The following PARG variants were observed in gnomAD, a reference collection of about 807,000 sequenced individuals.
The protein encoded by PARG is mitochondrial poly(ADP-ribose) glycohydrolase.
PARG carries 35 observed loss-of-function variants against 113.0 expected under a neutral mutation model. The observed-to-expected ratio is 0.31, with a 90% CI of 0.24 to 0.41. PARG has a LOEUF of 0.41. Among genes scored for constraint, PARG ranks in the 10% least tolerant of loss-of-function variants. The probability of loss-of-function intolerance (pLI) is 1.00; values close to 1 mark genes in which losing one functional copy is unlikely to be tolerated. For synonymous variants in PARG, 330 were observed against 409.9 expected (o/e 0.81, Z 2.36); for missense variants, 797 against 1,169.4 (o/e 0.68, Z 4.64).
intron 7 of PARG, among the ~76,000 whole-genome samples, chr10:49,907,849 C>T (rs71500299): frequency 3.4e-3 from 519 of 151,848 alleles, no homozygotes; most frequent in East Asian, 0.012. Flanking sequence ...ACAGAATTAT[C>T]TTCACTCCTC....
At chr10:49,831,063 A>G (rs1554830191) in intron 16 of PARG, among the ~76,000 whole-genome samples, 1 of 152,202 alleles carries the variant, frequency 6.6e-6, no homozygotes, top group Non-Finnish European at 1.5e-5. Flanking sequence ...AAAACTATCC[A>G]TGAGACTGCA....
chr10:49,861,079 C>T (rs1283506927), intron 12 of PARG, among the ~76,000 whole-genome samples: 9 of 152,076 alleles, frequency 5.9e-5, no homozygotes, highest in South Asian at 2.1e-4. Flanking sequence ...AGCTAGCTCA[C>T]GTGCGTGAAA....
chr10:49,843,782 T>A, intron 13 of PARG, 150 bp from the exon 14 acceptor site: 3 of 593,786 alleles, frequency 5.1e-6, no homozygotes, highest in Non-Finnish European at 9.0e-6. Context: ...CAAAAAGGCA[T>A]AAAGAATGTA....
Position 49,933,748 on chromosome 10 carries a change from G to A in PARG, c.700C>T (p.His234Tyr). Residue 234 changes from histidine to tyrosine, a missense_variant, in exon 3 of 18, where the codon CAC (histidine) becomes TAC (tyrosine). His to Tyr is a moderately conservative substitution (Grantham distance 83, BLOSUM62 2). Transcript: ENST00000616448. ...EDEQAREAKS[H>Y]QKCSKSCDPG... ...TCGCAAGACTTGCTGCACTTCTGGT[G>A]GCTTTTGGCTTCTCTGGCCTGTTCA... 6.2e-7 allele frequency: 1 copy of A among 1,613,064 alleles called. No homozygotes were observed. Among genetic ancestry groups the A allele is most frequent in the African/African-American group, 1.3e-5 (1 of 75,010 alleles).
In PARG at chr10:49,819,440, G is replaced by C; in HGVS notation, c.2831C>G (p.Ser944Cys). 6.4e-7 allele frequency: 1 copy of C among 1,551,138 alleles called. No homozygotes were observed. Among genetic ancestry groups the C allele is most frequent in the South Asian group, 1.2e-5 (1 of 84,050 alleles). ...AAGCTTGATGTCTGGTCCAGGGGTG[G>C]AACAGTTTCTGCATTCTTCATTGTA... ...RYYNEECRNC[S>C]TPGPDIKLYP... Residue 944 changes from serine (S) to cysteine (C), a missense_variant, in exon 18 of 18, where the codon TCC becomes TGC. Physicochemically the swap from Ser to Cys is moderately radical, Grantham distance 112. Coordinates refer to ENST00000616448, the MANE Select transcript of PARG (RefSeq NM_003631.5).
intron 13 of PARG, among the ~76,000 whole-genome samples, chr10:49,845,466 C>T (rs2132465118): frequency 6.6e-6 from 1 of 152,274 alleles, no homozygotes; most frequent in East Asian, 1.9e-4. Context: ...CCAAAGGGTG[C>T]ACTGGAACTC....
chr10:49,922,046 CAAAA>C (rs1334808084), intron 6 of PARG, among the ~76,000 whole-genome samples: 2 of 151,494 alleles, frequency 1.3e-5, no homozygotes. Flanking sequence ...AATTTTAAAA[CAAAA>C]AAAAGAAAGA....
Position 49,819,323 on chromosome 10 carries a change from G to A in PARG, c.*17C>T. The A allele has an allele frequency of 6.5e-7, 1 of 1,545,976 alleles. No individual in the cohort carries two copies. The highest frequency in any genetic ancestry group is 8.7e-7 in the Non-Finnish European group (1 of 1,143,554). On this transcript the variant is annotated 3_prime_UTR_variant, in exon 18 of 18. Coordinates refer to ENST00000616448, the MANE Select transcript of PARG (RefSeq NM_003631.5). ...TCTCTGGTGGGAGGTGGGAGGAGAT[G>A]CTATTCGCTCGGCTCCTCAGGTCCC...
chr10:49,838,292 G>C (rs1554831526), intron 15 of PARG, among the ~76,000 whole-genome samples: 1 of 151,912 alleles, frequency 6.6e-6, no homozygotes, highest in Non-Finnish European at 1.5e-5. Context: ...ATAGCCGGGA[G>C]TAGTGGTGCA....
chr10:49,883,183 T>G (rs190392445), intron 8 of PARG, among the ~76,000 whole-genome samples: 1 of 152,326 alleles, frequency 6.6e-6, no homozygotes, highest in African/African-American at 2.4e-5. Flanking sequence ...AAGAAGGCAT[T>G]TGGACATGTA....
rs752801511 is a variant in PARG, at chr10:49,914,289, ATAACT to A, written c.1737+1623_1737+1627del. On this transcript the variant is annotated intron_variant, in intron 7 of 17. Coordinates refer to ENST00000616448, the MANE Select transcript of PARG (RefSeq NM_003631.5). Reference sequence around the variant, plus strand: ...GTTACAATACAAATGTTATGTCCTGATAACTTAAGTGACAAGGATAACGATTATAT... The same window carrying A: ...GTTACAATACAAATGTTATGTCCTGATAAGTGACAAGGATAACGATTATAT... 6.6e-5 allele frequency among the ~76,000 whole-genome samples: 10 copies of A among 152,352 alleles called. No individual in the cohort carries two copies. The East Asian group carries it at 1.9e-3, about 29-fold the overall frequency.
At chr10:49,877,766 G>A (rs1349462895) in intron 9 of PARG, among the ~76,000 whole-genome samples, 2 of 114,742 alleles carry the variant, frequency 1.7e-5, no homozygotes, top group Non-Finnish European at 3.6e-5. Context: ...TTAAAAACGG[G>A]GGAAAAGGGA....
At chr10:49,923,607 A>G (rs2132909749) in intron 4 of PARG, among the ~76,000 whole-genome samples, 1 of 152,246 alleles carries the variant, frequency 6.6e-6, no homozygotes, top group East Asian at 1.9e-4. Context: ...AGTGATGCAC[A>G]GGGAGTTGTG....
intron 4 of PARG, among the ~76,000 whole-genome samples, chr10:49,927,918 A>G (rs1251688396): frequency 1.9e-3 from 291 of 150,386 alleles, no homozygotes; most frequent in African/African-American, 6.4e-3. Flanking sequence ...ATCACACACC[A>G]CTGCTACTGC....
At chr10:49,924,542 G>A (rs2812983) in intron 4 of PARG, among the ~76,000 whole-genome samples, 3 of 134,316 alleles carry the variant, frequency 2.2e-5, no homozygotes, top group Non-Finnish European at 5.1e-5. Context: ...TCTAAGCCCC[G>A]CAACCAACTG....
chr10:49,933,128 C>G, intron 3 of PARG, 49 bp downstream of exon 3: 3 of 1,365,250 alleles, frequency 2.2e-6, no homozygotes, highest in Non-Finnish European at 3.1e-6. Flanking sequence ...CCTTACAAAA[C>G]TATAAAGCAT....
At chr10:49,832,313 G>T (rs573965685) in intron 16 of PARG, among the ~76,000 whole-genome samples, 46 of 152,286 alleles carry the variant, frequency 3.0e-4, no homozygotes, top group South Asian at 6.2e-4. Flanking sequence ...CCCATGTACT[G>T]CATCGGTCTC....
chr10:49,882,117 T>C (rs1396279655), intron 8 of PARG, among the ~76,000 whole-genome samples: 7 of 151,948 alleles, frequency 4.6e-5, no homozygotes, highest in African/African-American at 1.7e-4. Context: ...ACAAATAGTA[T>C]AATTTTAAAT....
intron 17 of PARG, among the ~76,000 whole-genome samples, chr10:49,819,767 A>C (rs528499000): frequency 6.6e-6 from 1 of 152,346 alleles, no homozygotes; most frequent in Admixed American, 6.5e-5. Context: ...CTGTCATGGC[A>C]GCCCTCGTTA....
Sources: allele counts gnomAD v4.1 joint callset (sites outside exome capture counted in the v4.1 genomes callset), GRCh38; gene constraint gnomAD v4.1.1; transcripts MANE v1.5; gene names NCBI Gene and HGNC (gene_info 2026-07-23, HGNC 2026-07-21).